The following FHIT variants were observed in gnomAD, a reference collection of about 807,000 sequenced individuals.
The protein encoded by FHIT is fragile histidine triad diadenosine triphosphatase.
A neutral mutation model predicts 17.9 loss-of-function variants in FHIT; 19 were observed. The ratio of observed to expected loss-of-function variants is 1.06; its 90% CI spans 0.74 to 1.56. FHIT has a LOEUF of 1.56. Ranked by LOEUF, FHIT falls within the 40% of genes most tolerant of loss-of-function variation. The pLI, the probability that FHIT is intolerant of heterozygous loss-of-function variation, is 0.00. For missense variants in FHIT, 248 were observed against 189.2 expected (o/e 1.31, Z -1.82); for synonymous variants, 81 against 69.7 (o/e 1.16, Z -0.81).
At position 60,525,837 on chromosome 3, in the gene FHIT, T is replaced by G. The variant is rs561864745; in HGVS notation, c.103+11023A>C. On this transcript the variant is annotated intron_variant, in intron 5 of 9. Transcript: ENST00000492590. ...ACAGGTGACAGGTGGCCAGGTGTGG[T>G]GGCACATGCCTGTAATTCCAGCACT... is the stretch of plus-strand genomic sequence containing the variant. Among the ~76,000 whole-genome samples the G allele has an allele frequency of 1.1e-4, 17 of 152,280 alleles. No homozygotes were observed. The East Asian group carries it at 3.3e-3, about 30-fold the overall frequency.
intron 4 of FHIT, among the ~76,000 whole-genome samples, chr3:60,816,318 A>G (rs896052066): frequency 1.3e-5 from 2 of 152,050 alleles, no homozygotes; most frequent in Non-Finnish European, 2.9e-5. Context: ...GTCTTGTTCC[A>G]GTTCGCAAGG....
At chr3:59,787,971 A>T (rs1332452462) in intron 8 of FHIT, among the ~76,000 whole-genome samples, 1 of 152,210 alleles carries the variant, frequency 6.6e-6, no homozygotes, top group Non-Finnish European at 1.5e-5. Context: ...AGTTCTGAGG[A>T]AGTGACATAG....
At chr3:59,980,160 A>T (rs981879886) in intron 7 of FHIT, among the ~76,000 whole-genome samples, 5 of 152,168 alleles carry the variant, frequency 3.3e-5, no homozygotes, top group African/African-American at 9.7e-5. Context: ...AAAGAAACTG[A>T]AGCTAACTCA....
intron 4 of FHIT, among the ~76,000 whole-genome samples, chr3:60,751,365 A>T (rs1036381528): frequency 1.3e-5 from 2 of 151,996 alleles, no homozygotes; most frequent in African/African-American, 4.8e-5. Context: ...GTTCTCAAAT[A>T]TTTTTTTTAC....
At chr3:60,485,988 A>G (rs2033821984) in intron 5 of FHIT, among the ~76,000 whole-genome samples, 1 of 152,164 alleles carries the variant, frequency 6.6e-6, no homozygotes. Flanking sequence ...CAGTTTCCCT[A>G]TCAATAGTCA....
intron 3 of FHIT, among the ~76,000 whole-genome samples, chr3:60,860,034 C>A (rs1441282737): frequency 1.3e-5 from 1 of 78,330 alleles, no homozygotes; most frequent in Non-Finnish European, 2.6e-5. Context: ...AGAAGTGGGA[C>A]TACATCTCAA....
intron 4 of FHIT, among the ~76,000 whole-genome samples, chr3:60,654,847 T>C (rs1559617223): frequency 6.6e-6 from 1 of 152,136 alleles, no homozygotes; most frequent in Non-Finnish European, 1.5e-5. Context: ...GTCAATTAAA[T>C]TTGACAATGC....
chr3:60,181,065 T>A (rs536051617), intron 5 of FHIT, among the ~76,000 whole-genome samples: 202 of 152,130 alleles, frequency 1.3e-3, no homozygotes, highest in Non-Finnish European at 1.7e-3. Context: ...CAACCAGCTA[T>A]GAGAAGTAAC....
chr3:61,026,854 T>A lies in FHIT; in HGVS notation c.-111+15193A>T, dbSNP rs534278808. Among the ~76,000 whole-genome samples, 32 of 152,252 alleles carry A rather than the reference T, an allele frequency of 2.1e-4. No homozygotes were observed. The South Asian group carries it at 6.2e-3, about 30-fold the overall frequency. ...AGAATTCAAACCTCACCTTCCCACA[T>A]CCTAGCTCTGATAACCAAACACCAC... On this transcript the variant is annotated intron_variant, in intron 3 of 9. Transcript: ENST00000492590.
chr3:60,691,740 CT>C (rs2040996704), intron 4 of FHIT, among the ~76,000 whole-genome samples: 1 of 152,148 alleles, frequency 6.6e-6, no homozygotes, highest in Non-Finnish European at 1.5e-5. Context: ...ATTCTGGTCT[CT>C]TTACAATATT....
chr3:60,711,440 G>A (rs1332862459), intron 4 of FHIT, among the ~76,000 whole-genome samples: 1 of 152,208 alleles, frequency 6.6e-6, no homozygotes, highest in Non-Finnish European at 1.5e-5. Context: ...ACTTTGACAA[G>A]TTGAGAGAAG....
At chr3:59,927,679 G>C (rs961244973) in intron 7 of FHIT, among the ~76,000 whole-genome samples, 48 of 152,266 alleles carry the variant, frequency 3.2e-4, no homozygotes, top group African/African-American at 1.1e-3. Context: ...TGATGTAGGA[G>C]AATCGCTTGA....
rs536091086 is a variant in FHIT, at chr3:60,915,203, G to GC, written c.-110-93193dup. On this transcript the variant is annotated intron_variant, in intron 3 of 9. Coordinates refer to ENST00000492590, the MANE Select transcript of FHIT (RefSeq NM_002012.4). ...TACTCACACCAGAAACCTAATATGAGCAATGGGATTTCTGAATAGTACCAT... is the reference window on the plus strand; with the variant it reads ...TACTCACACCAGAAACCTAATATGAGCCAATGGGATTTCTGAATAGTACCAT... Among the ~76,000 whole-genome samples, 372 of 151,910 alleles carry GC rather than the reference G, an allele frequency of 2.4e-3. 3 individuals carry two copies. Among genetic ancestry groups the GC allele is most frequent in the Non-Finnish European group, 3.9e-3 (263 of 67,950 alleles).
intron 5 of FHIT, among the ~76,000 whole-genome samples, chr3:60,238,975 T>C (rs1330095324): frequency 3.3e-5 from 5 of 152,140 alleles, no homozygotes; most frequent in East Asian, 1.9e-4. Flanking sequence ...AGGAGTTCCA[T>C]AGATAATTGA....
intron 1 of FHIT, among the ~76,000 whole-genome samples, chr3:61,201,954 GTA>G (rs906669462): frequency 2.1e-4 from 32 of 149,710 alleles, no homozygotes; most frequent in African/African-American, 6.4e-4. Context: ...GTGTATGTGT[GTA>G]TATATATGTG....
chr3:60,018,355 G>C (rs1014827530), intron 5 of FHIT, among the ~76,000 whole-genome samples: 1 of 152,078 alleles, frequency 6.6e-6, no homozygotes, highest in African/African-American at 2.4e-5. Flanking sequence ...CCAACATCAG[G>C]GATCAAATTT....
intron 4 of FHIT, among the ~76,000 whole-genome samples, chr3:60,674,606 A>G (rs1427738352): frequency 6.6e-6 from 1 of 152,168 alleles, no homozygotes; most frequent in Non-Finnish European, 1.5e-5. Context: ...GTCTAGTTCA[A>G]ATTTGTCCTT....
rs149682668 is a variant in FHIT, at chr3:61,007,338, C to T, written c.-111+34709G>A. On this transcript the variant is annotated intron_variant, in intron 3 of 9. Coordinates refer to ENST00000492590, the MANE Select transcript of FHIT (RefSeq NM_002012.4). ...TCCCTCTTTGGCCTGAGAGTGTAAT[C>T]GTTTTTTCATCTGCCATGTTTAATT... 4.6e-5 allele frequency among the ~76,000 whole-genome samples: 7 copies of T among 152,272 alleles called. No individual in the cohort carries two copies. The East Asian group carries it at 1.2e-3, about 25-fold the overall frequency.
At chr3:60,491,524 C>T (rs1204175350) in intron 5 of FHIT, among the ~76,000 whole-genome samples, 1 of 152,136 alleles carries the variant, frequency 6.6e-6, no homozygotes, top group Non-Finnish European at 1.5e-5. Context: ...TTATCTTCAG[C>T]CACAGCCAGA....
Sources: gnomAD v4.1 joint callset for allele counts (sites outside exome capture counted in the v4.1 genomes callset) on GRCh38, gnomAD v4.1.1 for gene constraint, MANE v1.5 for transcripts, NCBI Gene and HGNC (gene_info 2026-07-23, HGNC 2026-07-21) for gene names.